The following MYH13 variants were observed in gnomAD, a reference collection of about 807,000 sequenced individuals.
The protein encoded by MYH13 is myosin heavy chain 13.
MYH13 carries 177 observed loss-of-function variants against 232.1 expected under a neutral mutation model. That is an observed-to-expected ratio of 0.76 (90% confidence interval 0.67 to 0.86). The LOEUF is 0.86. Among genes scored for constraint, MYH13 ranks in the 40% least tolerant of loss-of-function variants. The pLI, the probability that MYH13 is intolerant of heterozygous loss-of-function variation, is 0.00. For synonymous variants in MYH13, 884 were observed against 923.5 expected, an observed-to-expected ratio of 0.96 and a Z score of 0.78; for missense variants, 2,246 against 2,405.9, an observed-to-expected ratio of 0.93 and a Z score of 1.39.
In MYH13 at chr17:10,306,990, C is replaced by T. The variant is rs765705838; in HGVS notation, c.5244G>A (p.Ser1748=). ...CCTCTGCGTTCCTGGACTCCTGGAT[C>T]GAGTTCTCCACCTCTGCCTGGCACT... ...IAQCQAEVEN[S]IQESRNAEEK... is the part of the protein sequence containing the mutation. The change falls in exon 36 of 41, where the codon TCG becomes TCA. Residue 1748 remains serine (S), a synonymous_variant. Coordinates refer to ENST00000252172, the MANE Select transcript of MYH13 (RefSeq NM_003802.3). The surrounding 1 kb of genome is among the most constrained non-coding windows in gnomAD (Gnocchi z 4.3). 2.1e-5 allele frequency: 34 copies of T among 1,613,908 alleles called. No homozygotes were observed. The highest frequency in any genetic ancestry group is 1.1e-4 in the African/African-American group (8 of 74,920).
At chr17:10,365,879 G>GTGTGTA (rs2071831692) in intron 2 of MYH13, among the ~76,000 whole-genome samples, 2 of 145,458 alleles carry the variant, frequency 1.4e-5, no homozygotes, top group Non-Finnish European at 3.1e-5. Flanking sequence ...GTGTGTGTGT[G>GTGTGTA]TGTGTGTATG....
chr17:10,365,840 GGT>G (rs150455118), intron 2 of MYH13, among the ~76,000 whole-genome samples: 12,383 of 140,044 alleles, frequency 0.088, 532 homozygotes, highest in African/African-American at 0.16. Flanking sequence ...CTTGCTGCAT[GGT>G]GTGTGTGTGT....
intron 7 of MYH13, among the ~76,000 whole-genome samples, chr17:10,358,057 A>G (rs2142271212): frequency 6.6e-6 from 1 of 152,096 alleles, no homozygotes. Flanking sequence ...ACTTCTGGTC[A>G]TGCCAGGTTC....
rs761135768 is a variant in MYH13, at chr17:10,343,915, G to A, written c.1779C>T (p.Ala593=). ...HYAGTVDYNI[A]GWLDKNKDPL... is the part of the protein sequence containing the mutation. ...GGTCCTTGTTTTTGTCCAGCCAGCC[G>A]GCGATGTTGTAGTCCACGGTGCCGG... Residue 593 remains alanine, a synonymous_variant, in exon 16 of 41, where the codon GCC becomes GCT. Coordinates refer to ENST00000252172, the MANE Select transcript of MYH13 (RefSeq NM_003802.3). 13 of 1,614,220 alleles carry A rather than the reference G, an allele frequency of 8.1e-6. No homozygotes were observed. The highest frequency in any genetic ancestry group is 3.3e-4 in the Middle Eastern group (2 of 6,062).
rs764044447 is a variant in MYH13, at chr17:10,364,391, T to A, written c.140A>T (p.Tyr47Phe). ...CCTAGTCTGGATCATGCCTTTCACA[T>A]ACATTTCCTTATTATCCGCTACAAA... ...ACFVADNKEM[Y>F]VKGMIQTREN... The change falls in exon 3 of 41, where the codon TAT becomes TTT. Residue 47 changes from tyrosine (Y) to phenylalanine (F), a missense_variant. Tyr to Phe is a conservative substitution (Grantham distance 22). Coordinates refer to ENST00000252172, the MANE Select transcript of MYH13 (RefSeq NM_003802.3). 1.9e-6 allele frequency: 3 copies of A among 1,613,944 alleles called. No individual in the cohort carries two copies. The highest frequency in any genetic ancestry group is 2.5e-6 in the Non-Finnish European group (3 of 1,179,836).
At chr17:10,307,809 T>G (rs887320512) in intron 35 of MYH13, among the ~76,000 whole-genome samples, 11 of 152,218 alleles carry the variant, frequency 7.2e-5, no homozygotes, top group Non-Finnish European at 1.3e-4. Flanking sequence ...AAATTTCATT[T>G]TTAGAAATTT....
chr17:10,368,395 G>T (rs980482354), intron 2 of MYH13, among the ~76,000 whole-genome samples: 1 of 152,158 alleles, frequency 6.6e-6, no homozygotes, highest in African/African-American at 2.4e-5. Context: ...CTGCTAGTTG[G>T]TCTTTTAAAT....
At chr17:10,327,233 C>T (rs966131829) in intron 22 of MYH13, among the ~76,000 whole-genome samples, 2 of 151,130 alleles carry the variant, frequency 1.3e-5, no homozygotes, top group Non-Finnish European at 2.9e-5. Context: ...GATCTCCTGA[C>T]CTCGTGATCC....
At chr17:10,368,333 C>T (rs972421090) in intron 2 of MYH13, among the ~76,000 whole-genome samples, 1 of 152,198 alleles carries the variant, frequency 6.6e-6, no homozygotes, top group African/African-American at 2.4e-5. Flanking sequence ...CACATTGTTC[C>T]TTTTGGAGAA....
chr17:10,317,243 G>A (rs1006440353), intron 27 of MYH13, among the ~76,000 whole-genome samples: 1 of 152,130 alleles, frequency 6.6e-6, no homozygotes, highest in African/African-American at 2.4e-5. Context: ...AGAGAGGTGT[G>A]GGAGGGGAAC....
chr17:10,357,334 G>T (rs2071756916), intron 8 of MYH13, among the ~76,000 whole-genome samples: 1 of 152,178 alleles, frequency 6.6e-6, no homozygotes, highest in Admixed American at 6.5e-5. Context: ...GTTGGAAGAG[G>T]TCAAATCTGC....
At chr17:10,369,637 C>T (rs189413204) in intron 2 of MYH13, among the ~76,000 whole-genome samples, 17 of 152,244 alleles carry the variant, frequency 1.1e-4, no homozygotes, top group Non-Finnish European at 1.9e-4. Flanking sequence ...ATTTTTAGTC[C>T]TCCTGGAAAA....
chr17:10,327,998 C>T lies in MYH13; in HGVS notation c.2559G>A (p.Met853Ile). The T allele has an allele frequency of 6.2e-7, 1 of 1,614,136 alleles. No individual in the cohort carries two copies. The highest frequency in any genetic ancestry group is 8.5e-7 in the Non-Finnish European group (1 of 1,180,024). The change falls in exon 22 of 41, where the codon ATG becomes ATA. Residue 853 changes from methionine to isoleucine, a missense_variant. Transcript: ENST00000252172. ...TCTCAAAGTCTTCCTTCATGGTGGCCATCTCCTTCTCGGCCTCTGCACTCT... is the reference window on the plus strand; with the variant it reads ...TCTCAAAGTCTTCCTTCATGGTGGCTATCTCCTTCTCGGCCTCTGCACTCT... ...LLKSAEAEKEMATMKEDFERT... is the reference protein window; with the variant it reads ...LLKSAEAEKEIATMKEDFERT...
chr17:10,346,675 A>G lies in MYH13; in HGVS notation c.1263+5T>C, dbSNP rs2071668505. ...AATCAACTGGATTCAGAGCATCTCCATTACCTGCTGGACATTTTGCCCTTT... is the reference window on the plus strand; with the variant it reads ...AATCAACTGGATTCAGAGCATCTCCGTTACCTGCTGGACATTTTGCCCTTT... On this transcript the variant is annotated splice_donor_5th_base_variant and intron_variant, in intron 13 of 40. Transcript: ENST00000252172. The G allele has an allele frequency of 8.1e-6, 13 of 1,603,886 alleles. No homozygotes were observed. The highest frequency in any genetic ancestry group is 1.1e-5 in the Non-Finnish European group (13 of 1,170,850).
chr17:10,353,241 A>T (rs1226438791), intron 11 of MYH13, among the ~76,000 whole-genome samples: 1 of 152,200 alleles, frequency 6.6e-6, no homozygotes, highest in African/African-American at 2.4e-5. Flanking sequence ...CAACTCATGA[A>T]TCATTCTTTG....
chr17:10,346,019 GAA>G (rs1396332129), intron 13 of MYH13, among the ~76,000 whole-genome samples: 1 of 118,114 alleles, frequency 8.5e-6, no homozygotes, highest in Non-Finnish European at 1.7e-5. Context: ...AAAAACAAAA[GAA>G]AAAAAGAAAA....
chr17:10,329,305 T>C (rs550750672), intron 21 of MYH13, among the ~76,000 whole-genome samples: 1 of 152,210 alleles, frequency 6.6e-6, no homozygotes, highest in African/African-American at 2.4e-5. Context: ...TAGTCATCAA[T>C]GCTGCTATTC....
chr17:10,303,183 C>T lies in MYH13; in HGVS notation c.5667+13G>A. ...TCTGTCTGTGGGCACTGCCGGGGAC[C>T]TCCTGTGCTTACCGCCTCCTCAGCC... On this transcript the variant is annotated intron_variant, in intron 39 of 40. Transcript: ENST00000252172. 6.2e-7 allele frequency: 1 copy of T among 1,611,684 alleles called. No homozygotes were observed. Among genetic ancestry groups the T allele is most frequent in the South Asian group, 1.1e-5 (1 of 90,918 alleles).
At chr17:10,353,220 TGA>T (rs1304809296) in intron 11 of MYH13, among the ~76,000 whole-genome samples, 1 of 152,230 alleles carries the variant, frequency 6.6e-6, no homozygotes, top group East Asian at 1.9e-4. Flanking sequence ...CTCCAGGTGC[TGA>T]GTGTGGTCCA....
Sources: allele counts gnomAD v4.1 joint callset (sites outside exome capture counted in the v4.1 genomes callset), GRCh38; gene constraint gnomAD v4.1.1; non-coding constraint Gnocchi (gnomAD v3.1); transcripts MANE v1.5; gene names NCBI Gene and HGNC (gene_info 2026-07-23, HGNC 2026-07-21).